Variants in RASAL2 observed in about 807,000 individuals in gnomAD.
RASAL2 encodes the protein ras GTPase-activating protein nGAP.
In RASAL2, 58 loss-of-function variants were observed where a neutral mutation model predicts 128.9. The ratio of observed to expected loss-of-function variants is 0.45; its 90% CI spans 0.36 to 0.56. The LOEUF (loss-of-function observed/expected upper bound fraction) is 0.56. Among genes scored for constraint, RASAL2 ranks in the 20% least tolerant of loss-of-function variants. RASAL2 has a pLI of 0.00. For synonymous variants in RASAL2, 561 were observed against 580.8 expected (o/e 0.97, Z 0.49); for missense variants, 1,360 against 1,601.6 (o/e 0.85, Z 2.57).
chr1:178,145,095 T>G (rs1660674505), intron 1 of RASAL2, among the ~76,000 whole-genome samples: 1 of 152,172 alleles, frequency 6.6e-6, no homozygotes, highest in Middle Eastern at 3.2e-3. Flanking sequence ...GGAAAGTTAT[T>G]TTATAGCAAA....
At chr1:178,302,222 A>G (rs778486072) in intron 3 of RASAL2, among the ~76,000 whole-genome samples, 8 of 152,192 alleles carry the variant, frequency 5.3e-5, no homozygotes, top group Non-Finnish European at 1.2e-4. Context: ...GTAACATTCT[A>G]TGCCAGTCGC....
intron 1 of RASAL2, among the ~76,000 whole-genome samples, chr1:178,100,573 G>C (rs1040075980): frequency 2.0e-5 from 3 of 151,564 alleles, no homozygotes; most frequent in Non-Finnish European, 4.4e-5. Flanking sequence ...CTACTATAGT[G>C]AGTGAAATTT....
At chr1:178,117,937 G>T (rs756659016) in intron 1 of RASAL2, among the ~76,000 whole-genome samples, 69 of 152,206 alleles carry the variant, frequency 4.5e-4, no homozygotes, top group Non-Finnish European at 9.0e-4. Flanking sequence ...GGCCAAGATG[G>T]GTGGATCACC....
intron 4 of RASAL2, among the ~76,000 whole-genome samples, chr1:178,410,754 A>G (rs181216193): frequency 2.0e-5 from 3 of 152,346 alleles, no homozygotes; most frequent in African/African-American, 7.2e-5. Context: ...CAAATGGCCA[A>G]GAAACGTCAA....
At chr1:178,336,308 T>C (rs1385384514) in intron 3 of RASAL2, among the ~76,000 whole-genome samples, 2 of 152,130 alleles carry the variant, frequency 1.3e-5, no homozygotes, top group African/African-American at 4.8e-5. Context: ...CCTGCAGTAG[T>C]ATTTTGAATT....
chr1:178,112,036 T>A (rs1659342632), intron 1 of RASAL2, among the ~76,000 whole-genome samples: 1 of 152,200 alleles, frequency 6.6e-6, no homozygotes, highest in Non-Finnish European at 1.5e-5. Flanking sequence ...GCCTCTTTTG[T>A]CAATTTTAAA....
intron 3 of RASAL2, among the ~76,000 whole-genome samples, chr1:178,361,331 G>A (rs186888607): frequency 6.6e-6 from 1 of 151,708 alleles, no homozygotes. Flanking sequence ...ATACAGTGTT[G>A]TAACAATCCA....
intron 3 of RASAL2, among the ~76,000 whole-genome samples, chr1:178,385,912 C>G (rs1672540542): frequency 6.6e-6 from 1 of 152,176 alleles, no homozygotes; most frequent in South Asian, 2.1e-4. Context: ...CACACCTCAC[C>G]TTTGCAGTGC....
chr1:178,183,168 G>A (rs1290672693), intron 1 of RASAL2, among the ~76,000 whole-genome samples: 1 of 152,112 alleles, frequency 6.6e-6, no homozygotes, highest in Admixed American at 6.5e-5. Flanking sequence ...TGTCTTTCAT[G>A]TTTAGTTTTA....
At chr1:178,365,429 CTGTTATGTTATGTT>C (rs1671345197) in intron 3 of RASAL2, among the ~76,000 whole-genome samples, 1 of 141,492 alleles carries the variant, frequency 7.1e-6, no homozygotes, top group Non-Finnish European at 1.5e-5. Flanking sequence ...CTCTAGTTGC[CTGTTATGTTATGTT>C]ATGTTATGTT....
intron 3 of RASAL2, among the ~76,000 whole-genome samples, chr1:178,347,772 G>T (rs776398996): frequency 1.3e-5 from 2 of 152,180 alleles, no homozygotes; most frequent in Non-Finnish European, 2.9e-5. Context: ...GCTGAACAAT[G>T]CTCAGTGACC....
At chr1:178,408,828 G>T (rs1283103546) in intron 4 of RASAL2, among the ~76,000 whole-genome samples, 1 of 152,098 alleles carries the variant, frequency 6.6e-6, no homozygotes, top group Non-Finnish European at 1.5e-5. Context: ...TAAAAAGGAA[G>T]GGTTCCGGTG....
rs76603248 is a variant in RASAL2, at chr1:178,272,887, G to A, written c.203-10677G>A. ...AGGTTGCAGTGAGTGAGCTGAGATCGCACCATTGCACTGCAGCCTGGGTGA... is the reference window on the plus strand; with the variant it reads ...AGGTTGCAGTGAGTGAGCTGAGATCACACCATTGCACTGCAGCCTGGGTGA... On this transcript the variant is annotated intron_variant, in intron 1 of 17. Transcript: ENST00000367649. 5.6e-3 allele frequency among the ~76,000 whole-genome samples: 858 copies of A among 151,876 alleles called. 12 individuals are homozygous for A. The highest frequency in any genetic ancestry group is 0.019 in the African/African-American group (802 of 41,404).
intron 1 of RASAL2, among the ~76,000 whole-genome samples, chr1:178,272,303 A>G (rs1666298512): frequency 6.6e-6 from 1 of 152,230 alleles, no homozygotes; most frequent in Non-Finnish European, 1.5e-5. Flanking sequence ...ATACGTCAGA[A>G]TAACTGAATT....
At chr1:178,417,749 A>G in intron 4 of RASAL2, among the ~76,000 whole-genome samples, 1 of 145,668 alleles carries the variant, frequency 6.9e-6, no homozygotes, top group African/African-American at 2.7e-5. Context: ...ACAAGAGTGA[A>G]ACTCCGTCTA....
chr1:178,113,566 A>G (rs917004910), intron 1 of RASAL2, among the ~76,000 whole-genome samples: 74 of 121,346 alleles, frequency 6.1e-4, no homozygotes, highest in African/African-American at 2.4e-3. Context: ...GTGTGTGTGT[A>G]GAGGCAGAGT....
At chr1:178,330,446 T>C (rs1669243343) in intron 3 of RASAL2, among the ~76,000 whole-genome samples, 1 of 152,194 alleles carries the variant, frequency 6.6e-6, no homozygotes. Flanking sequence ...GAGTATGTAG[T>C]GTCTTATTTC....
rs1297361544 is a variant in RASAL2 at position 178,189,774 on chromosome 1, G to GT, written c.203-93783dup. ...AAATTATTAGCACATCTATTTATGTGTTTTTTTCTCATTGTGTTTAAATTT... is the reference window on the plus strand; with the variant it reads ...AAATTATTAGCACATCTATTTATGTGTTTTTTTTCTCATTGTGTTTAAATTT... On this transcript the variant is annotated intron_variant, in intron 1 of 17. Coordinates refer to ENST00000367649, the MANE Select transcript of RASAL2 (RefSeq NM_170692.4). Among the ~76,000 whole-genome samples, 7 of 152,110 alleles carry GT rather than the reference G, an allele frequency of 4.6e-5. No homozygotes were observed. In the South Asian group the frequency reaches 1.5e-3, roughly 32 times the overall value.
At chr1:178,465,544 C>G (rs1006181775) in intron 15 of RASAL2, among the ~76,000 whole-genome samples, 2 of 152,054 alleles carry the variant, frequency 1.3e-5, no homozygotes, top group South Asian at 4.1e-4. Context: ...AGTACTTCAT[C>G]TGGTTTTTTT....
Sources: allele counts gnomAD v4.1 joint callset (sites outside exome capture counted in the v4.1 genomes callset), GRCh38; gene constraint gnomAD v4.1.1; transcripts MANE v1.5; gene names NCBI Gene and HGNC (gene_info 2026-07-23, HGNC 2026-07-21).